GCNT1: variants seen among roughly 807,000 people sequenced by gnomAD.
The protein encoded by GCNT1 is beta-1,3-galactosyl-O-glycosyl-glycoprotein beta-1,6-N-acetylglucosaminyltransferase.
In GCNT1, 16 loss-of-function variants were observed where a neutral mutation model predicts 26.2. The ratio of observed to expected loss-of-function variants is 0.61; its 90% CI spans 0.41 to 0.93. The LOEUF (loss-of-function observed/expected upper bound fraction) is 0.93, where lower values mean the gene tolerates loss of function less well. Among genes scored for constraint, GCNT1 ranks in the 40% least tolerant of loss-of-function variants. GCNT1 has a pLI of 0.00. For missense variants in GCNT1, 477 were observed against 526.7 expected, an observed-to-expected ratio of 0.91 and a Z score of 0.92; for synonymous variants, 183 against 190.8, an observed-to-expected ratio of 0.96 and a Z score of 0.34.
chr9:76,502,398 T>C lies in GCNT1; in HGVS notation c.17T>C (p.Leu6Pro), dbSNP rs750126976. The C allele has an allele frequency of 6.2e-7, 1 of 1,611,624 alleles. No homozygotes were observed. The highest frequency in any genetic ancestry group is 8.5e-7 in the Non-Finnish European group (1 of 1,178,212). Residue 6 changes from leucine to proline, a missense_variant, in exon 4 of 4, where the codon CTG becomes CCG. Coordinates refer to ENST00000376730, the MANE Select transcript of GCNT1 (RefSeq NM_001490.5). The stretch of plus-strand genomic sequence containing the variant: ...TTGTTTGAAATGCTGAGGACGTTGC[T>C]GCGAAGGAGACTTTTTTCTTATCCC... MLRTL[L>P]RRRLFSYPTK...
intron 2 of GCNT1, among the ~76,000 whole-genome samples, chr9:76,486,829 A>C (rs1207410651): frequency 6.6e-6 from 1 of 152,198 alleles, no homozygotes; most frequent in Non-Finnish European, 1.5e-5. Flanking sequence ...CAATCCTAGC[A>C]CTTCGGGAGG....
the GCNT1 span, chr9:76,399,134 G>T: frequency 2.0e-6 from 3 of 1,517,958 alleles, no homozygotes; most frequent in Admixed American, 1.7e-5. Context: ...ACCTACCATT[G>T]CTCTGTGTAA....
At chr9:76,419,179 T>C (rs1262617933), upstream of GCNT1, among the ~76,000 whole-genome samples, 2 of 152,150 alleles carry the variant, frequency 1.3e-5, no homozygotes, top group African/African-American at 4.8e-5. Flanking sequence ...CAGTGCTTAA[T>C]CCCTTATAGC....
At chr9:76,413,670 T>TTTTTTTTTTTTTTTTTG in the GCNT1 span, among the ~76,000 whole-genome samples, 2 of 116,890 alleles carry the variant, frequency 1.7e-5, no homozygotes, top group Non-Finnish European at 3.8e-5. Flanking sequence ...TTTTTTTTGT[T>TTTTTTTTTTTTTTTTTG]TTTTTTTTTT....
intron 1 of GCNT1, among the ~76,000 whole-genome samples, chr9:76,421,686 GTTGTTTTTTTTTTTTTTT>G (rs1162218845): frequency 1.2e-5 from 1 of 84,376 alleles, no homozygotes; most frequent in Non-Finnish European, 2.2e-5. Flanking sequence ...TTGTTTGTAG[GTTGTTTTTTTTTTTTTTT>G]TTTTTTTTGG....
At chr9:76,439,227 T>TTC (rs1554731054), upstream of GCNT1, among the ~76,000 whole-genome samples, 9 of 143,228 alleles carry the variant, frequency 6.3e-5, no homozygotes, top group East Asian at 1.4e-3. Flanking sequence ...CTTTTTCTTT[T>TTC]TTTTTTTTTT....
At chr9:76,432,430 C>T (rs545733394) in intron 1 of GCNT1, among the ~76,000 whole-genome samples, 1 of 152,250 alleles carries the variant, frequency 6.6e-6, no homozygotes, top group East Asian at 1.9e-4. Context: ...GCAGTCTCAA[C>T]CTTCTAGGCT....
At chr9:76,460,609 G>A (rs1823851713) in intron 2 of GCNT1, among the ~76,000 whole-genome samples, 1 of 152,224 alleles carries the variant, frequency 6.6e-6, no homozygotes, top group African/African-American at 2.4e-5. Flanking sequence ...TAGCAGGGAG[G>A]AAAACTCAGA....
intron 2 of GCNT1, among the ~76,000 whole-genome samples, chr9:76,486,065 G>A (rs785915): frequency 0.82 from 124,551 of 152,266 alleles, 51,524 homozygotes; most frequent in African/African-American, 0.93. Flanking sequence ...GCAGTAGAGC[G>A]CAAACTTGGG....
the GCNT1 span, among the ~76,000 whole-genome samples, chr9:76,413,333 GAC>G: frequency 6.6e-6 from 1 of 152,166 alleles, no homozygotes; most frequent in East Asian, 1.9e-4. Context: ...CAGACACTTA[GAC>G]ATCCAGCTGT....
chr9:76,449,822 C>T (rs1435211221), intron 1 of GCNT1, among the ~76,000 whole-genome samples: 1 of 152,194 alleles, frequency 6.6e-6, no homozygotes, highest in Non-Finnish European at 1.5e-5. Flanking sequence ...CTCACCCTGT[C>T]ACCCAGGCTG....
chr9:76,421,631 A>T (rs1269823807), intron 1 of GCNT1, among the ~76,000 whole-genome samples: 3 of 149,742 alleles, frequency 2.0e-5, no homozygotes, highest in Admixed American at 6.7e-5. Context: ...AACCACAACA[A>T]AAAACAACCC....
intron 2 of GCNT1, among the ~76,000 whole-genome samples, chr9:76,494,728 G>GT (rs1007479590): frequency 2.0e-5 from 3 of 152,198 alleles, no homozygotes; most frequent in Non-Finnish European, 4.4e-5. Flanking sequence ...AGAGCAAGAA[G>GT]TTTGTCTGAC....
the GCNT1 span, among the ~76,000 whole-genome samples, chr9:76,397,127 C>T: frequency 6.6e-6 from 1 of 152,114 alleles, no homozygotes; most frequent in African/African-American, 2.4e-5. Context: ...ACTAAAAATA[C>T]AAAAATTAGC....
the GCNT1 span, among the ~76,000 whole-genome samples, chr9:76,397,461 T>G: frequency 5.8e-5 from 7 of 120,288 alleles, no homozygotes; most frequent in Non-Finnish European, 8.8e-5. Context: ...TTTTTTTTTT[T>G]GAACCAGAGT....
At chr9:76,468,699 A>G (rs531082126) in intron 2 of GCNT1, among the ~76,000 whole-genome samples, 26 of 152,272 alleles carry the variant, frequency 1.7e-4, no homozygotes, top group Admixed American at 3.3e-4. Context: ...TGGGGTTTCA[A>G]ATGTGTTGCC....
the GCNT1 span, among the ~76,000 whole-genome samples, chr9:76,400,712 A>G: frequency 2.0e-5 from 3 of 152,200 alleles, no homozygotes; most frequent in African/African-American, 7.2e-5. Flanking sequence ...CCAGAGAGCA[A>G]GGGAACCCTG....
chr9:76,504,951 A>G lies in GCNT1; in HGVS notation c.*1283A>G. 2.4e-6 allele frequency: 1 copy of G among 413,078 alleles called. No individual in the cohort carries two copies. The highest frequency in any genetic ancestry group is 4.4e-6 in the Non-Finnish European group (1 of 226,064). The allele number at this position is 413,078 out of a possible 1,614,324, so 25.6% of individuals were successfully genotyped here. A position where few individuals can be genotyped will look rare whatever the true frequency, so the allele number is the denominator to read the frequency against. On this transcript the variant is annotated 3_prime_UTR_variant, in exon 4 of 4. Coordinates refer to ENST00000376730, the MANE Select transcript of GCNT1 (RefSeq NM_001490.5). Reference sequence around the variant, plus strand: ...TTTTTGGTATCATTCACAGCATACGATTTTTACTCTCTCCATCTTCACCAT... The same window carrying G: ...TTTTTGGTATCATTCACAGCATACGGTTTTTACTCTCTCCATCTTCACCAT...
At chr9:76,465,357 C>T (rs1283209694) in intron 2 of GCNT1, among the ~76,000 whole-genome samples, 1 of 152,122 alleles carries the variant, frequency 6.6e-6, no homozygotes, top group Non-Finnish European at 1.5e-5. Flanking sequence ...CTCCTGACCT[C>T]AAGTGATCCT....
Sources: allele counts gnomAD v4.1 joint callset (sites outside exome capture counted in the v4.1 genomes callset), GRCh38; gene constraint gnomAD v4.1.1; transcripts MANE v1.5; gene names NCBI Gene and HGNC (gene_info 2026-07-23, HGNC 2026-07-21).